Variants in SLC28A3 observed in about 807,000 individuals in gnomAD.
SLC28A3 encodes concentrative Na(+)-nucleoside cotransporter 3.
In SLC28A3, 68 loss-of-function variants were observed where a neutral mutation model predicts 84.2. That is an observed-to-expected ratio of 0.81 (90% confidence interval 0.66 to 0.99). The LOEUF (loss-of-function observed/expected upper bound fraction) is 0.99, where lower values mean the gene tolerates loss of function less well. Among genes scored for constraint, SLC28A3 ranks in the 50% least tolerant of loss-of-function variants. The pLI is 0.00. For synonymous variants in SLC28A3, 267 were observed against 303.6 expected, an observed-to-expected ratio of 0.88 and a Z score of 1.25; for missense variants, 712 against 841.5, an observed-to-expected ratio of 0.85 and a Z score of 1.90.
intron 3 of SLC28A3, among the ~76,000 whole-genome samples, chr9:84,307,309 TA>T (rs1825829102): frequency 6.6e-6 from 1 of 151,114 alleles, no homozygotes; most frequent in Admixed American, 6.6e-5. Flanking sequence ...CACAGGCCTG[TA>T]ATCCCAGCTA....
At chr9:84,344,821 T>G (rs1827224085), upstream of SLC28A3, among the ~76,000 whole-genome samples, 1 of 152,320 alleles carries the variant, frequency 6.6e-6, no homozygotes, top group South Asian at 2.1e-4. Flanking sequence ...TGCTTTGAGT[T>G]GTCCTGCCTT....
chr9:84,290,394 C>G lies in SLC28A3; in HGVS notation c.1024-115G>C, dbSNP rs976342315. The G allele has an allele frequency of 3.1e-6, 4 of 1,297,908 alleles. No homozygotes were observed. The African/African-American group carries it at 5.9e-5, about 19-fold the overall frequency. The allele number at this position is 1,297,908 out of a possible 1,614,324, so 80.4% of individuals were successfully genotyped here. Reference sequence around the variant, plus strand: ...AAAGCAGACAGTTTCTAAGAGTGAACCTCAGACCAGCTCCATCAGCGTCAC... The same window carrying G: ...AAAGCAGACAGTTTCTAAGAGTGAAGCTCAGACCAGCTCCATCAGCGTCAC... On this transcript the variant is annotated intron_variant, in intron 10 of 17. Transcript: ENST00000376238.
the SLC28A3 span, among the ~76,000 whole-genome samples, chr9:84,362,667 A>T: frequency 2.3e-5 from 2 of 85,834 alleles, no homozygotes; most frequent in Non-Finnish European, 6.5e-5. Flanking sequence ...GTTAATAAAT[A>T]AATAAATAAA....
chr9:84,340,908 A>G (rs111393478), upstream of SLC28A3, among the ~76,000 whole-genome samples: 119 of 150,922 alleles, frequency 7.9e-4, no homozygotes, highest in African/African-American at 2.7e-3. Context: ...TTGGCATCCT[A>G]TTTGCACTCC....
At chr9:84,354,990 G>T in the SLC28A3 span, among the ~76,000 whole-genome samples, 1 of 152,126 alleles carries the variant, frequency 6.6e-6, no homozygotes, top group Non-Finnish European at 1.5e-5. Context: ...TTAAGAAGAA[G>T]CTATACCTTA....
At chr9:84,315,054 G>T (rs952598303) in intron 1 of SLC28A3, among the ~76,000 whole-genome samples, 1 of 152,118 alleles carries the variant, frequency 6.6e-6, no homozygotes, top group African/African-American at 2.4e-5. Context: ...ACTCCAGCCT[G>T]GGCGACAGAG....
chr9:84,350,084 A>G, the SLC28A3 span, among the ~76,000 whole-genome samples: 1 of 152,246 alleles, frequency 6.6e-6, no homozygotes, highest in African/African-American at 2.4e-5. Context: ...ACTGTAGGCA[A>G]TTATAACAAA....
chr9:84,280,911 A>T, intron 14 of SLC28A3, 29 bp from the exon 15 acceptor site: 1 of 1,606,506 alleles, frequency 6.2e-7, no homozygotes, highest in Non-Finnish European at 8.5e-7. Context: ...ACATATGTAT[A>T]CACAATCTGA....
chr9:84,294,630 G>A (rs1825349963), intron 8 of SLC28A3, among the ~76,000 whole-genome samples: 1 of 152,220 alleles, frequency 6.6e-6, no homozygotes, highest in African/African-American at 2.4e-5. Context: ...AGTAACCTAA[G>A]TTGAGATAAA....
At chr9:84,363,592 C>T in the SLC28A3 span, among the ~76,000 whole-genome samples, 1 of 152,080 alleles carries the variant, frequency 6.6e-6, no homozygotes, top group Non-Finnish European at 1.5e-5. Flanking sequence ...ATTAGTTTCA[C>T]TAGTAGATGG....
rs1447778330 is a variant in SLC28A3 at position 84,290,260 on chromosome 9, A to C, written c.1043T>G (p.Val348Gly). The C allele has an allele frequency of 9.9e-6, 16 of 1,613,998 alleles. No homozygotes were observed. The highest frequency in any genetic ancestry group is 1.3e-5 in the Non-Finnish European group (15 of 1,179,912). The change falls in exon 11 of 18, where the codon GTC becomes GGC. Residue 348 changes from valine to glycine, a missense_variant. Transcript: ENST00000376238. Reference sequence around the variant, plus strand: ...GGTGATGTAAGGTAAATATGGTCGGACCAGCAGTGGAGACTCCGTCTGGAG... The same window carrying C: ...GGTGATGTAAGGTAAATATGGTCGGCCCAGCAGTGGAGACTCCGTCTGGAG... ...FVGQTESPLL[V>G]RPYLPYITKS...
chr9:84,293,804 ACCT>A (rs1192135302), intron 9 of SLC28A3, among the ~76,000 whole-genome samples: 1 of 152,224 alleles, frequency 6.6e-6, no homozygotes, highest in Non-Finnish European at 1.5e-5. Context: ...TACTTTTGTA[ACCT>A]CCTTAAGCAA....
chr9:84,291,331 A>G (rs1393606104), intron 10 of SLC28A3, among the ~76,000 whole-genome samples: 1 of 151,578 alleles, frequency 6.6e-6, no homozygotes. Flanking sequence ...CAGGCTAGTA[A>G]GCATAGGTTT....
intron 1 of SLC28A3, among the ~76,000 whole-genome samples, chr9:84,317,314 A>T (rs1044651670): frequency 2.0e-5 from 3 of 152,174 alleles, no homozygotes; most frequent in African/African-American, 7.2e-5. Flanking sequence ...TAAAAGACAA[A>T]GGTATAAATT....
chr9:84,332,308 T>C (rs1311472326), intron 1 of SLC28A3, among the ~76,000 whole-genome samples: 1 of 152,128 alleles, frequency 6.6e-6, no homozygotes, highest in African/African-American at 2.4e-5. Context: ...TAAATCCTCA[T>C]CTGTCATATC....
the SLC28A3 span, among the ~76,000 whole-genome samples, chr9:84,362,587 G>A: frequency 9.9e-5 from 15 of 151,784 alleles, no homozygotes; most frequent in Non-Finnish European, 1.9e-4. Flanking sequence ...AGCCGAGATC[G>A]GGCCACTGCC....
intron 14 of SLC28A3, among the ~76,000 whole-genome samples, chr9:84,284,804 T>C (rs956931672): frequency 1.3e-5 from 2 of 152,168 alleles, no homozygotes; most frequent in Non-Finnish European, 2.9e-5. Flanking sequence ...ACTCTGAGCC[T>C]TTTCTCTCCC....
intron 1 of SLC28A3, among the ~76,000 whole-genome samples, chr9:84,320,510 C>T (rs1441899417): frequency 1.3e-5 from 2 of 152,146 alleles, no homozygotes; most frequent in Non-Finnish European, 2.9e-5. Context: ...TATTTTCCTC[C>T]TTCTACTTAA....
At chr9:84,342,852 G>A (rs1827192513), upstream of SLC28A3, among the ~76,000 whole-genome samples, 1 of 152,112 alleles carries the variant, frequency 6.6e-6, no homozygotes, top group African/African-American at 2.4e-5. Context: ...AGCCAGTCAG[G>A]AACAAAATTC....
Sources: allele counts gnomAD v4.1 joint callset (sites outside exome capture counted in the v4.1 genomes callset), GRCh38; gene constraint gnomAD v4.1.1; transcripts MANE v1.5; gene names NCBI Gene and HGNC (gene_info 2026-07-23, HGNC 2026-07-21).